Variants in LIMCH1 observed in about 807,000 individuals in gnomAD.
LIMCH1 encodes LIM and calponin homology domains-containing protein 1.
LIMCH1 carries 113 observed loss-of-function variants against 176.5 expected under a neutral mutation model. The ratio of observed to expected loss-of-function variants is 0.64; its 90% CI spans 0.55 to 0.75. LIMCH1 has a LOEUF of 0.75. LIMCH1 is among the 30% of genes least tolerant of loss of function. The pLI is 0.00. For synonymous variants in LIMCH1, 619 were observed against 645.9 expected (o/e 0.96, Z 0.63); for missense variants, 1,674 against 1,814.9 (o/e 0.92, Z 1.41).
At chr4:41,484,630 G>A (rs2069199773) in intron 1 of LIMCH1, among the ~76,000 whole-genome samples, 1 of 152,226 alleles carries the variant, frequency 6.6e-6, no homozygotes, top group African/African-American at 2.4e-5. Context: ...GTGAACTAAT[G>A]AGGTGTTTGT....
In LIMCH1 at chr4:41,638,100, G is replaced by GT. The variant is rs1166465655; in HGVS notation, c.2091-828dup. ...GACAGGCATTTGTGGGAGCTGTGTT[G>GT]TTTTGTTGTTGTTGTTGTTGTTGTT... is the stretch of plus-strand genomic sequence containing the variant. On this transcript the variant is annotated intron_variant, in intron 13 of 31. Coordinates refer to ENST00000503057, the MANE Select transcript of LIMCH1 (RefSeq NM_001330672.2). Among the ~76,000 whole-genome samples the GT allele has an allele frequency of 2.0e-3, 229 of 113,218 alleles. 1 individual carries two copies. Among genetic ancestry groups the GT allele is most frequent in the African/African-American group, 9.4e-3 (224 of 23,898 alleles). The allele number at this position is 113,218 out of a possible 152,430, so 74.3% of individuals were successfully genotyped here.
intron 7 of LIMCH1, among the ~76,000 whole-genome samples, chr4:41,624,563 G>A (rs530763136): frequency 1.4e-5 from 2 of 143,674 alleles, no homozygotes; most frequent in South Asian, 2.6e-4. Context: ...GGCAAAAACC[G>A]CAATTACTTG....
chr4:41,595,430 T>G lies in LIMCH1; in HGVS notation c.-240-3490T>G, dbSNP rs780231405. 4.6e-5 allele frequency among the ~76,000 whole-genome samples: 7 copies of G among 152,320 alleles called. No homozygotes were observed. In the South Asian group the frequency reaches 1.0e-3, roughly 23 times the overall value. On this transcript the variant is annotated intron_variant, in intron 1 of 31. Transcript: ENST00000503057. Reference sequence around the variant, plus strand: ...GGAAACTTTATTTTATTTTTTCCACTGTGTGAAGTTAATTGGGAGTCAGAT... The same window carrying G: ...GGAAACTTTATTTTATTTTTTCCACGGTGTGAAGTTAATTGGGAGTCAGAT...
Position 41,682,417 on chromosome 4 carries a change from T to C in LIMCH1, c.3802T>C (p.Leu1268=), listed in dbSNP as rs749328192. The C allele has an allele frequency of 6.8e-6, 11 of 1,613,216 alleles. No homozygotes were observed. The South Asian group carries it at 9.9e-5, about 14-fold the overall frequency. The change falls in exon 26 of 32, where the codon TTG becomes CTG. Residue 1268 remains leucine (L), a synonymous_variant. Coordinates refer to ENST00000503057, the MANE Select transcript of LIMCH1 (RefSeq NM_001330672.2). ...KSFQGDDSDL[L]LKTRESDRLE... The stretch of plus-strand genomic sequence containing the variant: ...ATTCCAGGGAGATGACAGTGACTTA[T>C]TGCTGAAGACTAGGGAAAGTGATCG...
intron 1 of LIMCH1, among the ~76,000 whole-genome samples, chr4:41,579,958 C>G (rs1361263881): frequency 6.6e-6 from 1 of 152,112 alleles, no homozygotes; most frequent in African/African-American, 2.4e-5. Flanking sequence ...TTAACTGGGA[C>G]TTTGGGGAGG....
chr4:41,448,827 A>G (rs1043208419), intron 1 of LIMCH1, among the ~76,000 whole-genome samples: 1 of 152,150 alleles, frequency 6.6e-6, no homozygotes, highest in Non-Finnish European at 1.5e-5. Flanking sequence ...GTGGTCTCCA[A>G]ACTTTCTTTA....
intron 30 of LIMCH1, among the ~76,000 whole-genome samples, chr4:41,691,209 C>T (rs991946234): frequency 2.0e-5 from 3 of 152,086 alleles, no homozygotes; most frequent in Non-Finnish European, 2.9e-5. Context: ...GTAGAGGCAG[C>T]TTATGACATA....
intron 1 of LIMCH1, among the ~76,000 whole-genome samples, chr4:41,382,082 A>G (rs2055762143): frequency 6.6e-6 from 1 of 152,236 alleles, no homozygotes; most frequent in Admixed American, 6.5e-5. Flanking sequence ...AGTGCTACCT[A>G]GTTTCTGACC....
At chr4:41,671,906 AAG>A (rs2095053710) in intron 22 of LIMCH1, among the ~76,000 whole-genome samples, 1 of 150,892 alleles carries the variant, frequency 6.6e-6, no homozygotes, top group African/African-American at 2.4e-5. Flanking sequence ...AAAAAAAAAA[AAG>A]AGTATTCAAC....
chr4:41,620,382 C>G lies in LIMCH1; in HGVS notation c.459-42C>G. 13 of 1,518,506 alleles carry G rather than the reference C, an allele frequency of 8.6e-6. 1 individual carries two copies. Among genetic ancestry groups the G allele is most frequent in the South Asian group, 2.5e-5 (2 of 81,004 alleles). 94.1% of individuals were successfully genotyped at this position (1,518,506 alleles called of 1,614,324 possible). ...GATGACATGGGGTCTGCTCCCCAGC[C>G]CAGTCTGTTAGTTTGGTAAACCATA... On this transcript the variant is annotated intron_variant, in intron 6 of 31. Transcript: ENST00000503057.
intron 7 of LIMCH1, among the ~76,000 whole-genome samples, chr4:41,623,190 C>T (rs550244859): frequency 6.6e-6 from 1 of 152,296 alleles, no homozygotes; most frequent in African/African-American, 2.4e-5. Context: ...CTCTTGGTGT[C>T]TGGAAAATAG....
intron 1 of LIMCH1, among the ~76,000 whole-genome samples, chr4:41,466,771 A>C (rs1002473838): frequency 2.6e-5 from 4 of 152,178 alleles, no homozygotes; most frequent in African/African-American, 9.7e-5. Flanking sequence ...TAAAATGTAC[A>C]TAACATAACA....
intron 1 of LIMCH1, among the ~76,000 whole-genome samples, chr4:41,596,346 A>G (rs2088813563): frequency 6.6e-6 from 1 of 151,918 alleles, no homozygotes; most frequent in South Asian, 2.1e-4. Context: ...ATGTGACCCA[A>G]ATTGGAAGTC....
At chr4:41,504,064 A>G (rs2073829664) in intron 2 of LIMCH1, among the ~76,000 whole-genome samples, 1 of 152,106 alleles carries the variant, frequency 6.6e-6, no homozygotes, top group Non-Finnish European at 1.5e-5. Context: ...AGTACCCCCT[A>G]CTGAATAACT....
intron 1 of LIMCH1, among the ~76,000 whole-genome samples, chr4:41,564,809 A>T (rs57344409): frequency 2.0e-5 from 3 of 152,070 alleles, no homozygotes; most frequent in African/African-American, 7.2e-5. Context: ...ATCGTGGAGG[A>T]GGTTTTCCCT....
At chr4:41,651,303 G>A (rs1331146551) in intron 18 of LIMCH1, among the ~76,000 whole-genome samples, 1 of 152,124 alleles carries the variant, frequency 6.6e-6, no homozygotes, top group Middle Eastern at 3.2e-3. Flanking sequence ...ACCACACCCA[G>A]CCTAATTTCC....
chr4:41,545,744 G>C lies in LIMCH1; in HGVS notation c.-241+7394G>C, dbSNP rs551195586. Among the ~76,000 whole-genome samples, 5 of 152,298 alleles carry C rather than the reference G, an allele frequency of 3.3e-5. 1 individual carries two copies. Among genetic ancestry groups the C allele is most frequent in the African/African-American group, 1.2e-4 (5 of 41,560 alleles). ...TGATCAGAAAGTATTCATTTAAAAA[G>C]TCATAGGTTTAACTTTTTTAAAAGT... On this transcript the variant is annotated intron_variant, in intron 1 of 31. Transcript: ENST00000503057.
intron 1 of LIMCH1, among the ~76,000 whole-genome samples, chr4:41,395,718 A>G (rs1222816181): frequency 1.3e-5 from 2 of 151,212 alleles, no homozygotes; most frequent in Non-Finnish European, 3.0e-5. Flanking sequence ...GCTCCATGTC[A>G]CCCCCATTCA....
Position 41,646,357 on chromosome 4 carries a change from A to G in LIMCH1, c.2411+77A>G, listed in dbSNP as rs1585272217. 6 of 1,520,486 alleles carry G rather than the reference A, an allele frequency of 3.9e-6. No homozygotes were observed. In the South Asian group the frequency reaches 6.5e-5, roughly 16 times the overall value. 94.2% of individuals were successfully genotyped at this position (1,520,486 alleles called of 1,614,324 possible). On this transcript the variant is annotated intron_variant, in intron 16 of 31. Transcript: ENST00000503057. The stretch of plus-strand genomic sequence containing the variant: ...TTTTTTCTAAAAATTATTGGCTGTC[A>G]CAAAGGTTCTGATAGTAACATTTTA...
Sources: gnomAD v4.1 joint callset for allele counts (sites outside exome capture counted in the v4.1 genomes callset) on GRCh38, gnomAD v4.1.1 for gene constraint, MANE v1.5 for transcripts, NCBI Gene and HGNC (gene_info 2026-07-23, HGNC 2026-07-21) for gene names.